CAMTA1: variants seen among roughly 807,000 people sequenced by gnomAD.
The protein encoded by CAMTA1 is calmodulin-binding transcription activator 1.
Under a neutral mutation model 170.9 loss-of-function variants are expected in CAMTA1, and 27 were observed. The observed-to-expected ratio is 0.16, with a 90% CI of 0.12 to 0.22. The LOEUF (loss-of-function observed/expected upper bound fraction) is 0.22, where lower values mean the gene tolerates loss of function less well. Ranked by LOEUF, CAMTA1 falls within the 10% of genes least tolerant of loss-of-function variation. CAMTA1 has a pLI of 1.00. For missense variants in CAMTA1, 1,619 were observed against 2,217.2 expected, an observed-to-expected ratio of 0.73 and a Z score of 5.42; for synonymous variants, 833 against 891.5, an observed-to-expected ratio of 0.93 and a Z score of 1.17.
intron 11 of CAMTA1, among the ~76,000 whole-genome samples, chr1:7,731,846 C>T (rs1187170846): frequency 6.6e-6 from 1 of 152,156 alleles, no homozygotes; most frequent in Non-Finnish European, 1.5e-5. Context: ...CCAATGCACT[C>T]CAGTCTGGGC....
At chr1:7,503,875 C>G (rs2094052558) in intron 6 of CAMTA1, among the ~76,000 whole-genome samples, 1 of 152,188 alleles carries the variant, frequency 6.6e-6, no homozygotes, top group Non-Finnish European at 1.5e-5. Flanking sequence ...TGAGCCACCT[C>G]CGCTGCCCCG....
intron 3 of CAMTA1, among the ~76,000 whole-genome samples, chr1:7,078,372 G>T (rs1639586458): frequency 6.6e-6 from 1 of 152,234 alleles, no homozygotes; most frequent in Non-Finnish European, 1.5e-5. Context: ...GGGTAGAGGT[G>T]AAGGAGGGTT....
chr1:7,723,485 T>C (rs1203374654), intron 11 of CAMTA1, among the ~76,000 whole-genome samples: 2 of 152,200 alleles, frequency 1.3e-5, no homozygotes, highest in Non-Finnish European at 2.9e-5. Flanking sequence ...GAACTCCAAA[T>C]AATATATGTA....
At chr1:7,164,855 A>G (rs1174022593) in intron 4 of CAMTA1, among the ~76,000 whole-genome samples, 2 of 152,192 alleles carry the variant, frequency 1.3e-5, no homozygotes, top group African/African-American at 4.8e-5. Context: ...ATGCAGACAA[A>G]TATTTATGCC....
intron 6 of CAMTA1, among the ~76,000 whole-genome samples, chr1:7,522,475 G>A (rs2149983005): frequency 6.6e-6 from 1 of 152,238 alleles, no homozygotes. Context: ...ATGAGCTTTT[G>A]TAGAACAAAA....
chr1:7,572,322 G>A (rs1290656797), intron 6 of CAMTA1, among the ~76,000 whole-genome samples: 1 of 152,190 alleles, frequency 6.6e-6, no homozygotes, highest in African/African-American at 2.4e-5. Flanking sequence ...TTCCTTTGCT[G>A]CGCAGAAGCT....
chr1:6,877,258 T>A (rs1670180554), intron 3 of CAMTA1, among the ~76,000 whole-genome samples: 1 of 152,236 alleles, frequency 6.6e-6, no homozygotes, highest in Non-Finnish European at 1.5e-5. Context: ...AGCGGCAGAC[T>A]TCCTCACTGT....
At chr1:7,165,683 C>T (rs1054433630) in intron 4 of CAMTA1, among the ~76,000 whole-genome samples, 3 of 152,232 alleles carry the variant, frequency 2.0e-5, no homozygotes, top group Non-Finnish European at 2.9e-5. Flanking sequence ...CCACCCGTCT[C>T]GTCCTCCCAA....
intron 4 of CAMTA1, among the ~76,000 whole-genome samples, chr1:7,147,495 C>T (rs185426073): frequency 1.1e-4 from 17 of 151,220 alleles, no homozygotes; most frequent in Non-Finnish European, 2.5e-4. Context: ...CACAAACACA[C>T]TCAAATATAC....
chr1:6,983,329 C>T (rs1008851728), intron 3 of CAMTA1, among the ~76,000 whole-genome samples: 4 of 152,168 alleles, frequency 2.6e-5, no homozygotes, highest in Admixed American at 1.3e-4. Context: ...CCCTCCACTA[C>T]GTTCCAGCTA....
intron 4 of CAMTA1, among the ~76,000 whole-genome samples, chr1:7,104,279 A>AAAAC (rs36036618): frequency 0.44 from 54,294 of 124,462 alleles, 10,671 homozygotes; most frequent in South Asian, 0.55. Flanking sequence ...ACATGCACAC[A>AAAAC]AAACAAATAT....
intron 3 of CAMTA1, among the ~76,000 whole-genome samples, chr1:6,842,789 T>C (rs1285590166): frequency 6.6e-6 from 1 of 152,052 alleles, no homozygotes; most frequent in Non-Finnish European, 1.5e-5. Flanking sequence ...CTGGGCATGG[T>C]GGTGCATGCC....
chr1:7,690,746 C>CT (rs559321969), intron 11 of CAMTA1, among the ~76,000 whole-genome samples: 2 of 152,250 alleles, frequency 1.3e-5, no homozygotes, highest in Non-Finnish European at 2.9e-5. Context: ...CGTGAGGCCC[C>CT]TGTTCCACAG....
chr1:7,059,664 C>T (rs537902781), intron 3 of CAMTA1, among the ~76,000 whole-genome samples: 3 of 152,246 alleles, frequency 2.0e-5, no homozygotes, highest in East Asian at 1.9e-4. Flanking sequence ...ATATGATCAC[C>T]GTCGTGGTAC....
intron 3 of CAMTA1, among the ~76,000 whole-genome samples, chr1:6,865,594 A>G (rs1010699278): frequency 1.3e-5 from 2 of 152,220 alleles, no homozygotes; most frequent in African/African-American, 4.8e-5. Flanking sequence ...AGAATCAGCT[A>G]AGAAAAGGAA....
chr1:7,360,608 C>T (rs1202904035), intron 5 of CAMTA1, among the ~76,000 whole-genome samples: 2 of 152,174 alleles, frequency 1.3e-5, no homozygotes, highest in Non-Finnish European at 2.9e-5. Context: ...CCACATTGTG[C>T]CAGGAGCATG....
intron 3 of CAMTA1, among the ~76,000 whole-genome samples, chr1:7,038,811 G>A (rs1385974501): frequency 6.6e-6 from 1 of 152,178 alleles, no homozygotes; most frequent in Non-Finnish European, 1.5e-5. Context: ...AGGCCGAGGT[G>A]GGCAGATCAC....
intron 4 of CAMTA1, among the ~76,000 whole-genome samples, chr1:7,163,317 G>T (rs1200006146): frequency 2.6e-5 from 3 of 115,980 alleles, no homozygotes; most frequent in Admixed American, 1.1e-4. Flanking sequence ...GTCACTGGAT[G>T]GGGGGAGACC....
At chr1:7,272,883 C>T (rs921559792) in intron 5 of CAMTA1, among the ~76,000 whole-genome samples, 14 of 151,914 alleles carry the variant, frequency 9.2e-5, no homozygotes, top group African/African-American at 3.4e-4. Flanking sequence ...CAATGTTTAA[C>T]ATTCTGAGGA....
Sources: gnomAD v4.1 joint callset for allele counts (sites outside exome capture counted in the v4.1 genomes callset) on GRCh38, gnomAD v4.1.1 for gene constraint, MANE v1.5 for transcripts, NCBI Gene and HGNC (gene_info 2026-07-23, HGNC 2026-07-21) for gene names.